ATP10B: variants seen among roughly 807,000 people sequenced by gnomAD.
ATP10B encodes ATPase phospholipid transporting 10B (putative).
In ATP10B, 122 loss-of-function variants were observed where a neutral mutation model predicts 141.2. The ratio of observed to expected loss-of-function variants is 0.86; its 90% CI spans 0.75 to 1.00. The LOEUF is 1.00. Ranked by LOEUF, ATP10B falls within the 50% of genes least tolerant of loss-of-function variation. The pLI, the probability that ATP10B is intolerant of heterozygous loss-of-function variation, is 0.00. For missense variants in ATP10B, 1,876 were observed against 1,825.3 expected (o/e 1.03, Z -0.51); for synonymous variants, 685 against 692.0 (o/e 0.99, Z 0.16).
chr5:160,721,383 C>A (rs544331293), intron 2 of ATP10B, among the ~76,000 whole-genome samples: 11 of 152,188 alleles, frequency 7.2e-5, no homozygotes, highest in Non-Finnish European at 1.0e-4. Flanking sequence ...CTCATTTAGG[C>A]CCCAGGCCAT....
At chr5:160,801,855 G>C (rs989323443) in intron 1 of ATP10B, among the ~76,000 whole-genome samples, 1 of 152,116 alleles carries the variant, frequency 6.6e-6, no homozygotes, top group African/African-American at 2.4e-5. Context: ...ACGGTTCTTC[G>C]AAACAGATTG....
At chr5:160,850,449 A>C (rs938049399) in intron 1 of ATP10B, among the ~76,000 whole-genome samples, 2 of 151,996 alleles carry the variant, frequency 1.3e-5, no homozygotes, top group Non-Finnish European at 2.9e-5. Flanking sequence ...AAACAAGAAG[A>C]AGCAACACTG....
the ATP10B span, among the ~76,000 whole-genome samples, chr5:160,909,283 CTGTGTG>C: frequency 2.0e-5 from 3 of 152,062 alleles, no homozygotes; most frequent in South Asian, 6.2e-4. Flanking sequence ...ACAGCCAATG[CTGTGTG>C]TGTGTGTGTT....
Position 160,723,797 on chromosome 5 carries a change from T to C in ATP10B, c.-330-6763A>G, listed in dbSNP as rs541363708. Reference sequence around the variant, plus strand: ...ATCTCCTACCTGATTGCACTTTTATTTTGCCTCCTGAGTCTGTGCTTAAAA... The same window carrying C: ...ATCTCCTACCTGATTGCACTTTTATCTTGCCTCCTGAGTCTGTGCTTAAAA... On this transcript the variant is annotated intron_variant, in intron 2 of 25. Coordinates refer to ENST00000327245, the MANE Select transcript of ATP10B (RefSeq NM_025153.3). 2.4e-4 allele frequency among the ~76,000 whole-genome samples: 37 copies of C among 152,266 alleles called. No homozygotes were observed. In the South Asian group the frequency reaches 7.5e-3, roughly 31 times the overall value.
At chr5:160,796,596 C>T (rs1433930989) in intron 1 of ATP10B, among the ~76,000 whole-genome samples, 1 of 152,152 alleles carries the variant, frequency 6.6e-6, no homozygotes, top group African/African-American at 2.4e-5. Flanking sequence ...CACACATTTA[C>T]AAGCTGGTCG....
chr5:160,832,069 G>A (rs1389781308), intron 1 of ATP10B, among the ~76,000 whole-genome samples: 1 of 152,010 alleles, frequency 6.6e-6, no homozygotes, highest in Admixed American at 6.6e-5. Context: ...AAATAGCCCA[G>A]CATTTGTCAA....
chr5:160,645,540 T>C (rs1484575554), intron 8 of ATP10B, among the ~76,000 whole-genome samples: 1 of 152,216 alleles, frequency 6.6e-6, no homozygotes, highest in Non-Finnish European at 1.5e-5. Flanking sequence ...AGGCAGATCC[T>C]AAAAGTAGAG....
At position 160,685,221 on chromosome 5, in the gene ATP10B, C is replaced by G. The variant is rs1165311906; in HGVS notation, c.470+858G>C. 6.7e-6 allele frequency: 4 copies of G among 596,118 alleles called. No homozygotes were observed. The South Asian group carries it at 8.2e-5, about 12-fold the overall frequency. 36.9% of individuals were successfully genotyped at this position (596,118 alleles called of 1,614,324 possible). A position where few individuals can be genotyped will look rare whatever the true frequency, so the allele number is the denominator to read the frequency against. On this transcript the variant is annotated intron_variant, in intron 6 of 25. Coordinates refer to ENST00000327245, the MANE Select transcript of ATP10B (RefSeq NM_025153.3). ...ACCTTTTCCTCCCTTCCTTTTTCAT[C>G]TCTGCTCAATGTTGTCTTTTTAATT... is the stretch of plus-strand genomic sequence containing the variant.
rs145459967 is a variant in ATP10B at position 160,774,040 on chromosome 5, C to T, written c.-331+11519G>A. Among the ~76,000 whole-genome samples the T allele has an allele frequency of 3.0e-4, 45 of 152,266 alleles. No homozygotes were observed. The East Asian group carries it at 3.9e-3, about 13-fold the overall frequency. ...CTCTGTTTATTCATATACAGACTCC[C>T]GATTTAGTGTTTTCCTCTGCAGGTA... On this transcript the variant is annotated intron_variant, in intron 2 of 25. Coordinates refer to ENST00000327245, the MANE Select transcript of ATP10B (RefSeq NM_025153.3).
the ATP10B span, among the ~76,000 whole-genome samples, chr5:160,909,832 T>TA: frequency 4.6e-5 from 7 of 152,160 alleles, no homozygotes; most frequent in Non-Finnish European, 8.8e-5. Flanking sequence ...AGGGCAATGT[T>TA]AGTTTCCATC....
intron 1 of ATP10B, among the ~76,000 whole-genome samples, chr5:160,829,904 A>T (rs1488111684): frequency 6.6e-6 from 1 of 152,084 alleles, no homozygotes; most frequent in Admixed American, 6.6e-5. Context: ...GCAAATAGAG[A>T]TAATTTGACT....
At chr5:160,569,739 G>A in intron 24 of ATP10B, 56 bp from the exon 25 acceptor site, 1 of 1,371,920 alleles carries the variant, frequency 7.3e-7, no homozygotes, top group South Asian at 1.6e-5. Context: ...TAGGAGGCAG[G>A]GTGATCAAAC....
In ATP10B at chr5:160,795,556, C is replaced by A. The variant is rs747581847; in HGVS notation, c.-575-9753G>T. 4.6e-4 allele frequency among the ~76,000 whole-genome samples: 64 copies of A among 140,528 alleles called. 2 individuals carry two copies. The highest frequency in any genetic ancestry group is 9.3e-4 in the Non-Finnish European group (61 of 65,508). 92.2% of individuals were successfully genotyped at this position (140,528 alleles called of 152,430 possible). Reference sequence around the variant, plus strand: ...TAAAGAGATATGTCCATGTGCCAATCTTTGGAACCTATGAATTTTTTTTTT... The same window carrying A: ...TAAAGAGATATGTCCATGTGCCAATATTTGGAACCTATGAATTTTTTTTTT... On this transcript the variant is annotated intron_variant, in intron 1 of 25. Coordinates refer to ENST00000327245, the MANE Select transcript of ATP10B (RefSeq NM_025153.3).
Position 160,743,924 on chromosome 5 carries a change from A to G in ATP10B, c.-330-26890T>C, listed in dbSNP as rs1767641744. ...AGCCAGCAATGCTTCTAATCATCCT[A>G]TAATACCCAGGGCAAGCTCCCACAA... On this transcript the variant is annotated intron_variant, in intron 2 of 25. Coordinates refer to ENST00000327245, the MANE Select transcript of ATP10B (RefSeq NM_025153.3). 1.3e-5 allele frequency among the ~76,000 whole-genome samples: 2 copies of G among 152,134 alleles called. 1 individual carries two copies. Among genetic ancestry groups the G allele is most frequent in the South Asian group, 4.1e-4 (2 of 4,822 alleles).
chr5:160,758,792 GA>G (rs1171749938), intron 2 of ATP10B, among the ~76,000 whole-genome samples: 2 of 152,200 alleles, frequency 1.3e-5, no homozygotes, highest in African/African-American at 4.8e-5. Context: ...GGAGAGTAGA[GA>G]AAGAGAGACA....
At chr5:160,818,089 G>A (rs1773808356) in intron 1 of ATP10B, among the ~76,000 whole-genome samples, 2 of 152,106 alleles carry the variant, frequency 1.3e-5, no homozygotes, top group South Asian at 4.1e-4. Flanking sequence ...ACAGGCATGG[G>A]CAAGGACTTC....
At chr5:160,755,433 G>T (rs893373222) in intron 2 of ATP10B, among the ~76,000 whole-genome samples, 10 of 152,056 alleles carry the variant, frequency 6.6e-5, no homozygotes, top group Non-Finnish European at 1.3e-4. Flanking sequence ...CACAAATCTA[G>T]ATAGTATAGC....
chr5:160,725,259 G>A (rs550184312), intron 2 of ATP10B, among the ~76,000 whole-genome samples: 28 of 152,118 alleles, frequency 1.8e-4, no homozygotes, highest in Non-Finnish European at 3.8e-4. Context: ...CTGAACATAC[G>A]GAAAGCAAAA....
chr5:160,817,685 T>C (rs949957995), intron 1 of ATP10B, among the ~76,000 whole-genome samples: 2 of 152,088 alleles, frequency 1.3e-5, no homozygotes, highest in Non-Finnish European at 2.9e-5. Flanking sequence ...GAGCCCGCAT[T>C]GCCAAGTCAA....
Sources: gnomAD v4.1 joint callset for allele counts (sites outside exome capture counted in the v4.1 genomes callset) on GRCh38, gnomAD v4.1.1 for gene constraint, MANE v1.5 for transcripts, NCBI Gene and HGNC (gene_info 2026-07-23, HGNC 2026-07-21) for gene names.